ADGRD2: variants seen among roughly 807,000 people sequenced by gnomAD.
ADGRD2 encodes the protein G protein-coupled receptor PGR24.
Under a neutral mutation model 44.4 loss-of-function variants are expected in ADGRD2, and 71 were observed. The ratio of observed to expected loss-of-function variants is 1.60; its 90% CI spans 1.32 to 1.95. ADGRD2 has a LOEUF of 1.95. Ranked by LOEUF, ADGRD2 falls within the 30% of genes most tolerant of loss-of-function variation. ADGRD2 has a pLI of 0.00. For synonymous variants in ADGRD2, 481 were observed against 224.8 expected (o/e 2.14, Z -10.19); for missense variants, 1,039 against 512.4 (o/e 2.03, Z -9.92).
intron 6 of ADGRD2, 126 bp downstream of exon 9, chr9:124,455,253 A>G (rs551892561): frequency 1.7e-6 from 1 of 575,936 alleles, no homozygotes; most frequent in South Asian, 2.3e-5. Context: ...TCTATCCTGA[A>G]AAGCTTCTCT....
At chr9:124,467,672 G>A in intron 11 of ADGRD2, 49 bp from the exon 15 acceptor site, 1 of 715,388 alleles carries the variant, frequency 1.4e-6, no homozygotes, top group Non-Finnish European at 2.6e-6. Context: ...GTTCTGGCCT[G>A]GGTTGGGTCT....
chr9:124,466,303 G>T (rs575141283), exon 11 of ADGRD2: 48 of 714,770 alleles, frequency 6.7e-5, no homozygotes, highest in Non-Finnish European at 1.2e-4. Flanking sequence ...TACAGGGGGT[G>T]CCTGGGCCAC....
rs142334170 is a variant in ADGRD2 at position 124,470,804 on chromosome 9, C to T, written c.2758+190C>T. On this transcript the variant is annotated intron_variant, in intron 17 of 21. Transcript: ENST00000334810. ...GAACAGGCAACCTCCAATCAACCAG[C>T]GGTTCGTGCAGGAGGCTCACGGGGC... 8.9e-4 allele frequency among the ~76,000 whole-genome samples: 136 copies of T among 152,354 alleles called. 1 individual carries two copies. Among genetic ancestry groups the T allele is most frequent in the East Asian group, 7.5e-3 (39 of 5,184 alleles).
rs753371358 is a variant in ADGRD2, at chr9:124,456,650, C to A, written c.1424C>A (p.Ala475Glu). ...ATTGGTGGGCCTATGGCCCTGGTGG[C>A]GAGTGTGCAGCGCCTGGCACCCCTG... is the stretch of plus-strand genomic sequence containing the variant. Residue 475 changes from alanine (A) to glutamate (E), a missense_variant, in exon 7 of 22, where the codon GCG becomes GAG. Physicochemically the swap from Ala to Glu is moderately radical, Grantham distance 107. Transcript: ENST00000334810. 4.2e-6 allele frequency: 3 copies of A among 717,788 alleles called. No homozygotes were observed. In the African/African-American group the frequency reaches 5.2e-5, roughly 13 times the overall value. The allele number at this position is 717,788 out of a possible 1,614,324, so 44.5% of individuals were successfully genotyped here.
Position 124,453,981 on chromosome 9 carries a change from C to CT in ADGRD2, c.924-17dup, listed in dbSNP as rs1380070114. 2 of 656,052 alleles carry CT rather than the reference C, an allele frequency of 3.0e-6. No individual in the cohort carries two copies. Among genetic ancestry groups the CT allele is most frequent in the Non-Finnish European group, 5.6e-6 (2 of 360,152 alleles). 40.6% of individuals were successfully genotyped at this position (656,052 alleles called of 1,614,324 possible). A position where few individuals can be genotyped will look rare whatever the true frequency, so the allele number is the denominator to read the frequency against. The stretch of plus-strand genomic sequence containing the variant: ...AGGGTCCCCTAGGGAGCCCTGACAG[C>CT]TCCCCTGCCCCTGCCAGTGCCCTCC... On this transcript the variant is annotated splice_polypyrimidine_tract_variant and intron_variant, in intron 3 of 21. Coordinates refer to ENST00000334810, the Ensembl canonical transcript of ADGRD2.
intron 10 of ADGRD2, among the ~76,000 whole-genome samples, chr9:124,461,642 CTA>C (rs1420721582): frequency 6.6e-6 from 1 of 151,518 alleles, no homozygotes; most frequent in African/African-American, 2.4e-5. Flanking sequence ...ATTTATATGC[CTA>C]TCCCTATGTT....
At chr9:124,469,226 G>A (rs754461410) in exon 15 of ADGRD2, 5 of 713,988 alleles carry the variant, frequency 7.0e-6, no homozygotes, top group African/African-American at 7.0e-5. Context: ...TCCCAGGCGT[G>A]CCTGTGGGCA....
Position 124,472,063 on chromosome 9 carries a change from A to G in ADGRD2, c.2758+1449A>G, listed in dbSNP as rs374358220. Among the ~76,000 whole-genome samples, 12 of 152,206 alleles carry G rather than the reference A, an allele frequency of 7.9e-5. No individual in the cohort carries two copies. In the South Asian group the frequency reaches 2.5e-3, roughly 32 times the overall value. On this transcript the variant is annotated intron_variant, in intron 17 of 21. Transcript: ENST00000334810. ...TTTGCCAGGTGCCCCTCTCCACATC[A>G]TAGGGGGTTGGATTCCTGATGCTCT...
At chr9:124,472,180 G>C (rs1022200169) in intron 17 of ADGRD2, among the ~76,000 whole-genome samples, 3 of 145,080 alleles carry the variant, frequency 2.1e-5, no homozygotes, top group Non-Finnish European at 4.4e-5. Flanking sequence ...TCAGCCATGG[G>C]GCAATGCCAC....
At chr9:124,475,344 G>C in intron 17 of ADGRD2, 102 bp from the exon 21 acceptor site, 1 of 642,276 alleles carries the variant, frequency 1.6e-6, no homozygotes. Flanking sequence ...ATCTCTGCAA[G>C]TGTCTCTGCC....
intron 7 of ADGRD2, 59 bp from the exon 11 acceptor site, chr9:124,457,413 C>A (rs550253427): frequency 7.6e-6 from 4 of 524,530 alleles, no homozygotes; most frequent in Non-Finnish European, 1.4e-5. Context: ...GCTAGCTGGG[C>A]CTGCTCAGCA....
chr9:124,467,786 C>T (rs1285143268), exon 12 of ADGRD2: 8 of 718,380 alleles, frequency 1.1e-5, no homozygotes, highest in African/African-American at 3.5e-5. Flanking sequence ...TGTCCTTCTG[C>T]GCCCTCACCA....
chr9:124,464,421 G>A (rs1022928411), intron 10 of ADGRD2, among the ~76,000 whole-genome samples: 4 of 152,138 alleles, frequency 2.6e-5, no homozygotes, highest in Admixed American at 1.3e-4. Flanking sequence ...GCGTAATCTC[G>A]AGCAGGTTAA....
chr9:124,453,083 G>A (rs1208960765), exon 3 of ADGRD2: 3 of 687,506 alleles, frequency 4.4e-6, no homozygotes, highest in Admixed American at 2.2e-5. Context: ...ACGGCTGACC[G>A]GGCGGCGCGG....
rs777879005 is a variant in ADGRD2 at position 124,456,704 on chromosome 9, C to T, written c.1478C>T (p.Pro493Leu). The T allele has an allele frequency of 2.2e-5, 16 of 712,132 alleles. 1 individual carries two copies. The highest frequency in any genetic ancestry group is 2.1e-4 in the South Asian group (14 of 67,604). The allele number at this position is 712,132 out of a possible 1,614,324, so 44.1% of individuals were successfully genotyped here. A position where few individuals can be genotyped will look rare whatever the true frequency, so the allele number is the denominator to read the frequency against. Residue 493 changes from proline (P) to leucine (L), a missense_variant, in exon 7 of 22, where the codon CCC becomes CTC. By Grantham distance (98) the Pro-to-Leu change is moderately conservative. Coordinates refer to ENST00000334810, the Ensembl canonical transcript of ADGRD2. Reference sequence around the variant, plus strand: ...AGCACCTCAATGACCTCAGAGCGGCCCCGAATGCGCATCCAGCACCGCCAT... The same window carrying T: ...AGCACCTCAATGACCTCAGAGCGGCTCCGAATGCGCATCCAGCACCGCCAT...
intron 20 of ADGRD2, 106 bp from the exon 24 acceptor site, chr9:124,476,573 A>G: frequency 1.6e-6 from 1 of 637,496 alleles, no homozygotes; most frequent in South Asian, 1.7e-5. Flanking sequence ...AGGGAGGGGG[A>G]GCTGCTGGCG....
In ADGRD2 at chr9:124,477,058, T is replaced by C. The variant is rs556649859; in HGVS notation, c.*18+349T>C. 5.4e-6 allele frequency: 3 copies of C among 556,060 alleles called. No individual in the cohort carries two copies. In the East Asian group the frequency reaches 1.4e-4, roughly 25 times the overall value. 34.4% of individuals were successfully genotyped at this position (556,060 alleles called of 1,614,324 possible). On this transcript the variant is annotated intron_variant, in intron 21 of 21. Coordinates refer to ENST00000334810, the Ensembl canonical transcript of ADGRD2. ...CTGTCCTCCCCCTCTTTCTGCCCCC[T>C]AAGCCCAGCACCCCCCGTCACCCTC...
intron 7 of ADGRD2, among the ~76,000 whole-genome samples, chr9:124,457,143 C>G (rs1831632321): frequency 6.6e-6 from 1 of 152,354 alleles, no homozygotes; most frequent in Admixed American, 6.5e-5. Flanking sequence ...CAAGTACACA[C>G]TCCGTGAATG....
At chr9:124,453,772 T>C in intron 3 of ADGRD2, 96 bp downstream of exon 6, 1 of 577,588 alleles carries the variant, frequency 1.7e-6, no homozygotes, top group South Asian at 1.8e-5. Context: ...AAGCCACGCC[T>C]AGCTCTGGCC....
Sources: gnomAD v4.1 joint callset for allele counts (sites outside exome capture counted in the v4.1 genomes callset) on GRCh38, gnomAD v4.1.1 for gene constraint, MANE v1.5 for transcripts, NCBI Gene and HGNC (gene_info 2026-07-23, HGNC 2026-07-21) for gene names.